The following SCN1A variants were observed in gnomAD, a reference collection of about 807,000 sequenced individuals.
The protein encoded by SCN1A is sodium channel protein type 1 subunit alpha.
A neutral mutation model predicts 193.7 loss-of-function variants in SCN1A; 13 were observed. That is an observed-to-expected ratio of 0.07 (90% CI 0.04 to 0.11). The LOEUF is 0.11. SCN1A is among the 10% of genes least tolerant of loss of function. The pLI is 1.00. For synonymous variants in SCN1A, 781 were observed against 843.6 expected (o/e 0.93, Z 1.29); for missense variants, 1,432 against 2,451.1 (o/e 0.58, Z 8.78).
chr2:166,112,229 A>C (rs1689368867), intron 2 of SCN1A, among the ~76,000 whole-genome samples: 1 of 152,188 alleles, frequency 6.6e-6, no homozygotes, highest in Non-Finnish European at 1.5e-5. Context: ...AGAAATTGTC[A>C]CAGTCATCTC....
At position 166,109,396 on chromosome 2, in the gene SCN1A, T is replaced by C. The variant is rs192227850; in HGVS notation, c.-142+17528A>G. On this transcript the variant is annotated intron_variant, in intron 2 of 28. Coordinates refer to ENST00000674923, the MANE Select transcript of SCN1A (RefSeq NM_001165963.4). ...TCAAAGAAGTAACAAGTGCCATCTT[T>C]AGAAAATATTTTATATACTTGGTGT... 5.9e-5 allele frequency: 9 copies of C among 152,308 alleles called. No homozygotes were observed. In the East Asian group the frequency reaches 1.7e-3, roughly 29 times the overall value. 9.4% of individuals were successfully genotyped at this position (152,308 alleles called of 1,614,324 possible). A position where few individuals can be genotyped will look rare whatever the true frequency, so the allele number is the denominator to read the frequency against.
intron 2 of SCN1A, among the ~76,000 whole-genome samples, chr2:166,088,651 C>T (rs1263206239): frequency 6.6e-6 from 1 of 152,104 alleles, no homozygotes; most frequent in Non-Finnish European, 1.5e-5. Flanking sequence ...TGTTTAAATT[C>T]CCAAATATAT....
chr2:165,996,508 G>A (rs16851348), intron 26 of SCN1A, among the ~76,000 whole-genome samples: 3,407 of 151,478 alleles, frequency 0.022, 179 homozygotes, highest in Admixed American at 0.13. Context: ...ATGTAGCAAA[G>A]AGTTAGAGGA....
chr2:166,110,331 A>G (rs1407000064), intron 2 of SCN1A, among the ~76,000 whole-genome samples: 7 of 152,216 alleles, frequency 4.6e-5, no homozygotes. Context: ...CTCATGAACC[A>G]AACAGTTAGC....
At chr2:166,005,719 G>A (rs957421336) in intron 23 of SCN1A, among the ~76,000 whole-genome samples, 1 of 151,336 alleles carries the variant, frequency 6.6e-6, no homozygotes, top group Non-Finnish European at 1.5e-5. Flanking sequence ...AAAGAAGGAG[G>A]TGTATTAACT....
upstream of SCN1A, among the ~76,000 whole-genome samples, chr2:166,131,647 T>C (rs519624): frequency 0.86 from 130,254 of 152,196 alleles, 55,899 homozygotes; most frequent in East Asian, 0.98. Flanking sequence ...GAGAGAACTA[T>C]CTCATTATCA....
intron 2 of SCN1A, among the ~76,000 whole-genome samples, chr2:166,080,020 G>A (rs1289817954): frequency 5.3e-5 from 8 of 151,420 alleles, no homozygotes; most frequent in Non-Finnish European, 1.0e-4. Flanking sequence ...ACTGTCAGAT[G>A]TCATTCAATA....
intron 4 of SCN1A, among the ~76,000 whole-genome samples, chr2:166,066,881 C>A (rs970564307): frequency 6.6e-6 from 1 of 152,080 alleles, no homozygotes; most frequent in East Asian, 1.9e-4. Flanking sequence ...TTGAAGATAA[C>A]CTTCAAACTC....
At chr2:166,097,265 G>A in intron 2 of SCN1A, among the ~76,000 whole-genome samples, 1 of 152,068 alleles carries the variant, frequency 6.6e-6, no homozygotes, top group East Asian at 1.9e-4. Context: ...CAAGCAATCT[G>A]CCCGCCTTGG....
At chr2:166,114,003 A>T (rs1689583334) in intron 2 of SCN1A, among the ~76,000 whole-genome samples, 2 of 152,188 alleles carry the variant, frequency 1.3e-5, no homozygotes, top group South Asian at 4.1e-4. Flanking sequence ...ATAATAACAA[A>T]CCTGTAACTA....
intron 2 of SCN1A, among the ~76,000 whole-genome samples, chr2:166,085,010 T>G (rs1427216955): frequency 6.6e-6 from 1 of 152,152 alleles, no homozygotes; most frequent in Non-Finnish European, 1.5e-5. Flanking sequence ...CTGCATGCTT[T>G]TTACAAACAT....
Position 165,986,695 on chromosome 2 carries a change from G to A in SCN1A, c.*4550C>T, listed in dbSNP as rs867536507. Reference sequence around the variant, plus strand: ...GACATAGGCACTTCAGTAACACACAGCAAAAAAAAAAAAAAAATCCTCCCC... The same window carrying A: ...GACATAGGCACTTCAGTAACACACAACAAAAAAAAAAAAAAAATCCTCCCC... On this transcript the variant is annotated 3_prime_UTR_variant, in exon 29 of 29. Transcript: ENST00000674923. 8.8e-4 allele frequency: 9 copies of A among 10,280 alleles called. No individual in the cohort carries two copies. The Admixed American group carries it at 9.5e-3, about 11-fold the overall frequency. 0.6% of individuals were successfully genotyped at this position (10,280 alleles called of 1,614,324 possible). A position where few individuals can be genotyped will look rare whatever the true frequency, so the allele number is the denominator to read the frequency against.
chr2:165,986,559 T>A lies in SCN1A; in HGVS notation c.*4686A>T, dbSNP rs1186352928. ...GAAGATTACTGCTAGGAAATGAGAA[T>A]AGTAGTTAAAAAACCAGTATATATT... On this transcript the variant is annotated 3_prime_UTR_variant, in exon 29 of 29. Transcript: ENST00000674923. 6.6e-6 allele frequency: 1 copy of A among 152,128 alleles called. No homozygotes were observed. The highest frequency in any genetic ancestry group is 1.5e-5 in the Non-Finnish European group (1 of 68,000). The allele number at this position is 152,128 out of a possible 1,614,324, so 9.4% of individuals were successfully genotyped here. A position where few individuals can be genotyped will look rare whatever the true frequency, so the allele number is the denominator to read the frequency against.
At position 166,041,479 on chromosome 2, in the gene SCN1A, GAAAA is replaced by G; in HGVS notation, c.2177-14_2177-11del. On this transcript the variant is annotated splice_polypyrimidine_tract_variant and intron_variant, in intron 15 of 28. Transcript: ENST00000674923. ...CTGGATTCTTCAAGTTCTAGATTAA[GAAAA>G]AAAAAAAAAAGAACCACCAAAAGGT... The G allele has an allele frequency of 8.8e-7, 1 of 1,133,896 alleles. No individual in the cohort carries two copies. The highest frequency in any genetic ancestry group is 2.1e-5 in the Admixed American group (1 of 47,104). The allele number at this position is 1,133,896 out of a possible 1,614,324, so 70.2% of individuals were successfully genotyped here. A position where few individuals can be genotyped will look rare whatever the true frequency, so the allele number is the denominator to read the frequency against.
chr2:166,134,279 C>A (rs760972995), intron 1 of SCN1A, among the ~76,000 whole-genome samples: 2 of 152,068 alleles, frequency 1.3e-5, no homozygotes, highest in Non-Finnish European at 2.9e-5. Context: ...TAGTTTTATA[C>A]CACAAAGGTC....
upstream of SCN1A, among the ~76,000 whole-genome samples, chr2:166,131,432 T>C (rs1384900690): frequency 6.6e-6 from 1 of 151,914 alleles, no homozygotes; most frequent in Non-Finnish European, 1.5e-5. Context: ...TGTTACTTTG[T>C]TATAGCTCTG....
At chr2:166,079,826 A>G (rs1246091166) in intron 2 of SCN1A, among the ~76,000 whole-genome samples, 5 of 151,552 alleles carry the variant, frequency 3.3e-5, no homozygotes, top group Admixed American at 6.6e-5. Context: ...TACAGGAATT[A>G]TATTCATATG....
intron 2 of SCN1A, among the ~76,000 whole-genome samples, chr2:166,094,175 C>T (rs1687130499): frequency 6.6e-6 from 1 of 152,060 alleles, no homozygotes; most frequent in African/African-American, 2.4e-5. Flanking sequence ...AAAAGAAAGC[C>T]ATTATTATTA....
intron 5 of SCN1A, among the ~76,000 whole-genome samples, chr2:166,057,988 C>A (rs1402336751): frequency 1.3e-5 from 2 of 152,042 alleles, no homozygotes; most frequent in East Asian, 3.9e-4. Context: ...TTTTGCATGG[C>A]AGCATCATAA....
Sources: gnomAD v4.1 joint callset for allele counts (sites outside exome capture counted in the v4.1 genomes callset) on GRCh38, gnomAD v4.1.1 for gene constraint, MANE v1.5 for transcripts, NCBI Gene and HGNC (gene_info 2026-07-23, HGNC 2026-07-21) for gene names.